Variants in RNLS observed in about 807,000 individuals in gnomAD.
RNLS encodes the protein renalase, FAD dependent amine oxidase, also known as renalase.
A neutral mutation model predicts 39.8 loss-of-function variants in RNLS; 39 were observed. The observed-to-expected ratio is 0.98, with a 90% CI of 0.76 to 1.28. The LOEUF is 1.28. RNLS is among the 50% of genes most tolerant of loss of function. The probability of loss-of-function intolerance (pLI) is 0.00; values close to 1 mark genes in which losing one functional copy is unlikely to be tolerated. For missense variants in RNLS, 410 were observed against 413.3 expected, an observed-to-expected ratio of 0.99 and a Z score of 0.07; for synonymous variants, 147 against 150.7, an observed-to-expected ratio of 0.98 and a Z score of 0.18.
the RNLS span, among the ~76,000 whole-genome samples, chr10:88,223,921 T>C: frequency 6.6e-6 from 1 of 152,152 alleles, no homozygotes; most frequent in Middle Eastern, 3.4e-3. Flanking sequence ...TCCCTTCTTT[T>C]AAGAGTTTTA....
At chr10:88,217,980 C>T in the RNLS span, among the ~76,000 whole-genome samples, 1 of 152,046 alleles carries the variant, frequency 6.6e-6, no homozygotes, top group African/African-American at 2.4e-5. Context: ...GCAGAGGTTG[C>T]AGTGAGCCGA....
At chr10:88,472,860 C>T (rs900185403) in intron 4 of RNLS, among the ~76,000 whole-genome samples, 1 of 152,156 alleles carries the variant, frequency 6.6e-6, no homozygotes, top group Non-Finnish European at 1.5e-5. Context: ...TCTTATCACC[C>T]ACAAAGTCTG....
chr10:88,560,139 T>C (rs1849090701), intron 4 of RNLS, among the ~76,000 whole-genome samples: 1 of 151,880 alleles, frequency 6.6e-6, no homozygotes, highest in African/African-American at 2.4e-5. Context: ...TGAGCTGAGG[T>C]TGAAGGATGA....
At chr10:88,453,638 G>C (rs1328491550) in intron 4 of RNLS, among the ~76,000 whole-genome samples, 2 of 152,164 alleles carry the variant, frequency 1.3e-5, no homozygotes, top group Non-Finnish European at 2.9e-5. Flanking sequence ...AGTATCTGCA[G>C]ATCATTCATG....
In RNLS at chr10:88,416,577, C is replaced by T. The variant is rs1363671734; in HGVS notation, c.527-53852G>A. Among the ~76,000 whole-genome samples, 3 of 152,210 alleles carry T rather than the reference C, an allele frequency of 2.0e-5. No homozygotes were observed. The East Asian group carries it at 5.8e-4, about 29-fold the overall frequency. ...CCTGAATTATATTAATTGGCAAAGTCTATTAGATTTCTTTTGAGGACTTTC... is the reference window on the plus strand; with the variant it reads ...CCTGAATTATATTAATTGGCAAAGTTTATTAGATTTCTTTTGAGGACTTTC... On this transcript the variant is annotated intron_variant, in intron 4 of 6. Transcript: ENST00000331772.
chr10:88,243,036 C>T, the RNLS span, among the ~76,000 whole-genome samples: 36 of 152,138 alleles, frequency 2.4e-4, no homozygotes, highest in African/African-American at 4.8e-4. Context: ...AGACTTCAAG[C>T]GGAACATTGA....
At chr10:88,338,892 G>T (rs1847716692) in intron 5 of RNLS, among the ~76,000 whole-genome samples, 1 of 151,680 alleles carries the variant, frequency 6.6e-6, no homozygotes, top group East Asian at 1.9e-4. Flanking sequence ...CTCCTGAGTA[G>T]CTGGGACTAC....
At chr10:88,279,843 C>T (rs1842946663), downstream of RNLS, among the ~76,000 whole-genome samples, 1 of 152,134 alleles carries the variant, frequency 6.6e-6, no homozygotes, top group South Asian at 2.1e-4. Context: ...CCACCTTTTC[C>T]CCAGGTAAGC....
At chr10:88,518,850 A>G (rs1846547360) in intron 4 of RNLS, among the ~76,000 whole-genome samples, 1 of 152,028 alleles carries the variant, frequency 6.6e-6, no homozygotes, top group East Asian at 1.9e-4. Flanking sequence ...GACAGCTGGG[A>G]AACTGATAAG....
intron 4 of RNLS, among the ~76,000 whole-genome samples, chr10:88,545,915 C>T (rs1848282672): frequency 6.6e-6 from 1 of 151,992 alleles, no homozygotes; most frequent in South Asian, 2.1e-4. Flanking sequence ...ATCAATAGCA[C>T]TAATGAATGA....
the RNLS span, among the ~76,000 whole-genome samples, chr10:88,214,360 C>T: frequency 6.6e-6 from 1 of 152,108 alleles, no homozygotes; most frequent in East Asian, 1.9e-4. Flanking sequence ...ACTGCAACTC[C>T]CTTTTCTCTT....
At chr10:88,422,951 T>C (rs560865963) in intron 4 of RNLS, among the ~76,000 whole-genome samples, 4 of 152,298 alleles carry the variant, frequency 2.6e-5, no homozygotes, top group Admixed American at 2.6e-4. Context: ...CGGTCTTCTA[T>C]GTTGCCCAGG....
chr10:88,376,216 C>T (rs561467933), intron 4 of RNLS, among the ~76,000 whole-genome samples: 188 of 152,064 alleles, frequency 1.2e-3, no homozygotes, highest in Non-Finnish European at 2.0e-3. Context: ...GAAGCCTCTG[C>T]CGGCATCCAC....
At chr10:88,446,370 C>T (rs568790808) in intron 4 of RNLS, among the ~76,000 whole-genome samples, 1 of 152,188 alleles carries the variant, frequency 6.6e-6, no homozygotes, top group South Asian at 2.1e-4. Flanking sequence ...TAGGAAAGAT[C>T]TAAAATTGAC....
At chr10:88,275,044 AG>A (rs1842761344) in intron 6 of RNLS, 5 of 1,609,238 alleles carry the variant, frequency 3.1e-6, no homozygotes, top group Non-Finnish European at 4.3e-6. Flanking sequence ...TGAAAATCAA[AG>A]GAATATCCTT....
the RNLS span, among the ~76,000 whole-genome samples, chr10:88,240,179 G>A: frequency 2.0e-5 from 3 of 152,078 alleles, no homozygotes; most frequent in African/African-American, 7.3e-5. Flanking sequence ...ATACTTACAA[G>A]GTAACCATGT....
intron 4 of RNLS, among the ~76,000 whole-genome samples, chr10:88,520,303 C>T (rs979153631): frequency 6.6e-6 from 1 of 152,000 alleles, no homozygotes; most frequent in Non-Finnish European, 1.5e-5. Context: ...AGAAGTATCA[C>T]TCGCAACAAT....
At chr10:88,296,222 G>A (rs1237789798) in intron 6 of RNLS, among the ~76,000 whole-genome samples, 3 of 152,152 alleles carry the variant, frequency 2.0e-5, no homozygotes, top group Non-Finnish European at 4.4e-5. Context: ...TTTCTCAAAG[G>A]ATCCAATTGC....
rs1184043239 is a variant in RNLS, at chr10:88,284,584, G to A, written c.*770C>T. The A allele has an allele frequency of 1.0e-6, 1 of 985,198 alleles. No homozygotes were observed. Among genetic ancestry groups the A allele is most frequent in the African/African-American group, 1.7e-5 (1 of 57,318 alleles). 61.0% of individuals were successfully genotyped at this position (985,198 alleles called of 1,614,324 possible). A position where few individuals can be genotyped will look rare whatever the true frequency, so the allele number is the denominator to read the frequency against. ...AGTCTAAATGCCACAGCACATACTGGAGAACCCATAAAGTAACAGCAACAG... is the reference window on the plus strand; with the variant it reads ...AGTCTAAATGCCACAGCACATACTGAAGAACCCATAAAGTAACAGCAACAG... On this transcript the variant is annotated 3_prime_UTR_variant, in exon 7 of 7. Coordinates refer to ENST00000331772, the MANE Select transcript of RNLS (RefSeq NM_001031709.3).
Sources: gnomAD v4.1 joint callset for allele counts (sites outside exome capture counted in the v4.1 genomes callset) on GRCh38, gnomAD v4.1.1 for gene constraint, MANE v1.5 for transcripts, NCBI Gene and HGNC (gene_info 2026-07-23, HGNC 2026-07-21) for gene names.